The following ZNF521 variants were observed in gnomAD, a reference collection of about 807,000 sequenced individuals.
ZNF521 encodes the protein zinc finger protein 521.
In ZNF521, 14 loss-of-function variants were observed where a neutral mutation model predicts 105.5. The observed-to-expected ratio is 0.13, with a 90% CI of 0.09 to 0.21. ZNF521 has a LOEUF of 0.21. ZNF521 is among the 10% of genes least tolerant of loss of function. The pLI, the probability that ZNF521 is intolerant of heterozygous loss-of-function variation, is 1.00. For synonymous variants in ZNF521, 635 were observed against 606.0 expected (o/e 1.05, Z -0.70); for missense variants, 1,233 against 1,629.7 (o/e 0.76, Z 4.19).
rs373141489 is a variant in ZNF521, at chr18:25,226,706, G to A, written c.1212C>T (p.Thr404=). ...TGPSSKQAKV[T]YSCIYCNKQL... is the part of the protein sequence containing the mutation. ...GTTTGTTGCAGTAAATACAGCTGTA[G>A]GTAACTTTTGCTTGTTTACTCGAGG... Residue 404 remains threonine, a synonymous_variant, in exon 4 of 8, where the codon ACC becomes ACT. Coordinates refer to ENST00000361524, the MANE Select transcript of ZNF521 (RefSeq NM_015461.3). This position sits in a 1 kb window ranked among gnomAD's most constrained non-coding sequence, Gnocchi z 4.1. 5 of 1,614,046 alleles carry A rather than the reference G, an allele frequency of 3.1e-6. No homozygotes were observed. The highest frequency in any genetic ancestry group is 1.3e-5 in the African/African-American group (1 of 74,924).
At position 25,088,360 on chromosome 18, in the gene ZNF521, C is replaced by T. The variant is rs562973689; in HGVS notation, c.3906+1105G>A. On this transcript the variant is annotated intron_variant, in intron 7 of 7. Transcript: ENST00000361524. ...CCTCTCAAGTAGCTGGGACTACAGC[C>T]GCCCGCCACTGTGCCTGGCTAATTT... 2.0e-3 allele frequency among the ~76,000 whole-genome samples: 302 copies of T among 151,680 alleles called. 2 individuals carry two copies. The highest frequency in any genetic ancestry group is 6.9e-3 in the African/African-American group (285 of 41,420).
In ZNF521 at chr18:25,062,504, A is replaced by T; in HGVS notation, c.*208T>A. 1.7e-6 allele frequency: 1 copy of T among 593,818 alleles called. No individual in the cohort carries two copies. Among genetic ancestry groups the T allele is most frequent in the Non-Finnish European group, 2.8e-6 (1 of 354,370 alleles). The allele number at this position is 593,818 out of a possible 1,614,324, so 36.8% of individuals were successfully genotyped here. A position where few individuals can be genotyped will look rare whatever the true frequency, so the allele number is the denominator to read the frequency against. ...CCATTTTAGTATCAGACGACATAAT[A>T]CATGTGCAACACTTTATATACAAGG... On this transcript the variant is annotated 3_prime_UTR_variant, in exon 8 of 8. Coordinates refer to ENST00000361524, the MANE Select transcript of ZNF521 (RefSeq NM_015461.3).
At chr18:25,283,153 T>G (rs1227471863) in intron 3 of ZNF521, among the ~76,000 whole-genome samples, 2 of 152,198 alleles carry the variant, frequency 1.3e-5, no homozygotes, top group Non-Finnish European at 2.9e-5. Context: ...CTCTAACACA[T>G]ATCAACAAGC....
chr18:25,146,261 G>A (rs1600090105), intron 5 of ZNF521, among the ~76,000 whole-genome samples: 1 of 152,030 alleles, frequency 6.6e-6, no homozygotes, highest in South Asian at 2.1e-4. Flanking sequence ...GCAATTCCAG[G>A]AAATTTCAGG....
At chr18:25,113,657 G>T (rs4800205) in intron 5 of ZNF521, among the ~76,000 whole-genome samples, 61,901 of 151,726 alleles carry the variant, frequency 0.41, 13,883 homozygotes, top group Non-Finnish European at 0.51. Context: ...AAAAATCAAG[G>T]AAAAGGGAAT....
At chr18:25,199,800 A>G (rs746325727) in intron 4 of ZNF521, among the ~76,000 whole-genome samples, 1 of 152,024 alleles carries the variant, frequency 6.6e-6, no homozygotes, top group Non-Finnish European at 1.5e-5. Flanking sequence ...ACCAAAAATA[A>G]TTTGTGCTTA....
chr18:25,090,988 G>A (rs1186483861), intron 6 of ZNF521, among the ~76,000 whole-genome samples: 2 of 152,180 alleles, frequency 1.3e-5, no homozygotes, highest in African/African-American at 2.4e-5. Flanking sequence ...GTTGAAGGCA[G>A]AGCCATCAAC....
intron 5 of ZNF521, among the ~76,000 whole-genome samples, chr18:25,142,034 A>G (rs2034858034): frequency 6.6e-6 from 1 of 152,172 alleles, no homozygotes; most frequent in Non-Finnish European, 1.5e-5. Context: ...CATCTTGTGT[A>G]GCTTAAGACA....
intron 2 of ZNF521, among the ~76,000 whole-genome samples, chr18:25,347,925 T>C (rs988318904): frequency 2.0e-5 from 3 of 152,228 alleles, no homozygotes; most frequent in Non-Finnish European, 2.9e-5. Context: ...AAGACAGAAG[T>C]TGGAAATTCA....
At chr18:25,287,385 G>T (rs1910768443) in intron 3 of ZNF521, among the ~76,000 whole-genome samples, 2 of 152,132 alleles carry the variant, frequency 1.3e-5, no homozygotes, top group African/African-American at 4.8e-5. Context: ...CTTATTACAG[G>T]ACTGTCAGAG....
intron 3 of ZNF521, among the ~76,000 whole-genome samples, chr18:25,306,494 G>T (rs1415197822): frequency 2.0e-5 from 3 of 152,134 alleles, no homozygotes; most frequent in African/African-American, 7.2e-5. Flanking sequence ...AACCCTACAT[G>T]CTCTAATCCT....
intron 5 of ZNF521, among the ~76,000 whole-genome samples, chr18:25,142,115 A>C (rs1041596673): frequency 1.3e-5 from 2 of 152,128 alleles, no homozygotes; most frequent in African/African-American, 4.8e-5. Context: ...CATATGGAAG[A>C]ATGAGCTTGG....
At chr18:25,114,169 A>G (rs2034257561) in intron 5 of ZNF521, among the ~76,000 whole-genome samples, 1 of 152,098 alleles carries the variant, frequency 6.6e-6, no homozygotes, top group African/African-American at 2.4e-5. Flanking sequence ...GAAAGAAAAG[A>G]GGGTGGCAGC....
At chr18:25,184,189 T>TA (rs879279826) in intron 5 of ZNF521, among the ~76,000 whole-genome samples, 14 of 152,056 alleles carry the variant, frequency 9.2e-5, no homozygotes, top group South Asian at 2.1e-4. Flanking sequence ...TGCTTTTTTT[T>TA]AAAAAAAGTG....
intron 3 of ZNF521, among the ~76,000 whole-genome samples, chr18:25,297,757 C>T (rs35085074): frequency 0.062 from 9,385 of 152,092 alleles, 422 homozygotes; most frequent in Non-Finnish European, 0.085. Context: ...TACCAGTTAT[C>T]AGATAAAAAC....
chr18:25,162,219 T>TG (rs1228257933), intron 5 of ZNF521, among the ~76,000 whole-genome samples: 1 of 151,860 alleles, frequency 6.6e-6, no homozygotes, highest in Non-Finnish European at 1.5e-5. Flanking sequence ...TTAGAATTGA[T>TG]GGGAAAAAAA....
At chr18:25,132,864 G>A (rs1002132350) in intron 5 of ZNF521, among the ~76,000 whole-genome samples, 7 of 152,292 alleles carry the variant, frequency 4.6e-5, no homozygotes, top group Admixed American at 6.5e-5. Context: ...CTAGCAAGAG[G>A]AGGAGACAAA....
At chr18:25,111,532 C>A (rs1457752303) in intron 5 of ZNF521, among the ~76,000 whole-genome samples, 2 of 152,224 alleles carry the variant, frequency 1.3e-5, no homozygotes, top group East Asian at 1.9e-4. Flanking sequence ...CTCTCAAGAA[C>A]TTTACCCTCT....
chr18:25,312,227 A>G (rs970715878), intron 3 of ZNF521, among the ~76,000 whole-genome samples: 5 of 152,196 alleles, frequency 3.3e-5, no homozygotes, highest in African/African-American at 9.6e-5. Context: ...ATACTGGGAA[A>G]ACATATTCAT....
Sources: gnomAD v4.1 joint callset for allele counts (sites outside exome capture counted in the v4.1 genomes callset) on GRCh38, gnomAD v4.1.1 for gene constraint, Gnocchi (gnomAD v3.1) non-coding constraint, MANE v1.5 for transcripts, NCBI Gene and HGNC (gene_info 2026-07-23, HGNC 2026-07-21) for gene names.